BARD1: variants seen among roughly 807,000 people sequenced by gnomAD.
BARD1 encodes BRCA1-associated RING domain protein 1.
In BARD1, 73 loss-of-function variants were observed where a neutral mutation model predicts 77.0. That is an observed-to-expected ratio of 0.95 (90% CI 0.79 to 1.15). The LOEUF is 1.15. Ranked by LOEUF, BARD1 falls within the 50% of genes most tolerant of loss-of-function variation. BARD1 has a pLI of 0.00. For missense variants in BARD1, 993 were observed against 938.8 expected, an observed-to-expected ratio of 1.06 and a Z score of -0.75; for synonymous variants, 384 against 338.0, an observed-to-expected ratio of 1.14 and a Z score of -1.49.
intron 6 of BARD1, among the ~76,000 whole-genome samples, chr2:214,754,499 A>C (rs1398762335): frequency 6.6e-6 from 1 of 152,166 alleles, no homozygotes; most frequent in Admixed American, 6.5e-5. Context: ...GTTATTTTAC[A>C]CATATTTGAA....
At chr2:214,775,856 T>C (rs1694716481) in intron 4 of BARD1, among the ~76,000 whole-genome samples, 1 of 152,144 alleles carries the variant, frequency 6.6e-6, no homozygotes, top group Non-Finnish European at 1.5e-5. Context: ...CTCTTGAAAA[T>C]ATCACATATG....
At chr2:214,783,862 A>G (rs1386772310) in intron 3 of BARD1, among the ~76,000 whole-genome samples, 1 of 152,186 alleles carries the variant, frequency 6.6e-6, no homozygotes, top group African/African-American at 2.4e-5. Flanking sequence ...TTATATAAAA[A>G]TTAACTCAAC....
At chr2:214,763,475 C>T (rs1425041785) in intron 6 of BARD1, among the ~76,000 whole-genome samples, 1 of 152,198 alleles carries the variant, frequency 6.6e-6, no homozygotes, top group East Asian at 1.9e-4. Flanking sequence ...TAAGAGAAAA[C>T]TTCAACCTTG....
intron 7 of BARD1, among the ~76,000 whole-genome samples, chr2:214,749,976 T>C (rs751229926): frequency 1.3e-5 from 2 of 152,104 alleles, no homozygotes; most frequent in Non-Finnish European, 2.9e-5. Context: ...TTTCAAGATA[T>C]GAAAGCAACT....
At chr2:214,802,542 C>G (rs1696072774) in intron 1 of BARD1, among the ~76,000 whole-genome samples, 1 of 152,124 alleles carries the variant, frequency 6.6e-6, no homozygotes, top group Non-Finnish European at 1.5e-5. Context: ...AAATTAGACT[C>G]CAGCCCTAAG....
rs10180486 is a variant in BARD1 at position 214,731,148 on chromosome 2, G to C, written c.1904-640C>G. On this transcript the variant is annotated intron_variant, in intron 9 of 10. Coordinates refer to ENST00000260947, the MANE Select transcript of BARD1 (RefSeq NM_000465.4). Reference sequence around the variant, plus strand: ...ATTGGGCTTTGCAGGAAAAAAAAAAGCATTCTTTTGATGGCTTGAGTAAGT... The same window carrying C: ...ATTGGGCTTTGCAGGAAAAAAAAAACCATTCTTTTGATGGCTTGAGTAAGT... 25 of 213,206 alleles carry C rather than the reference G, an allele frequency of 1.2e-4. No homozygotes were observed. In the East Asian group the frequency reaches 2.1e-3, roughly 18 times the overall value. 13.2% of individuals were successfully genotyped at this position (213,206 alleles called of 1,614,324 possible). A position where few individuals can be genotyped will look rare whatever the true frequency, so the allele number is the denominator to read the frequency against.
intron 9 of BARD1, chr2:214,730,853 C>T: frequency 2.2e-6 from 1 of 460,358 alleles, no homozygotes; most frequent in South Asian, 1.6e-5. Flanking sequence ...AGCAATTACC[C>T]AAAATTAAGG....
intron 1 of BARD1, among the ~76,000 whole-genome samples, chr2:214,803,498 C>T (rs1696125249): frequency 6.6e-6 from 1 of 152,204 alleles, no homozygotes; most frequent in Admixed American, 6.5e-5. Context: ...GGCAGCAATA[C>T]TGCTTTGTAA....
intron 1 of BARD1, among the ~76,000 whole-genome samples, chr2:214,798,841 G>C (rs1417000412): frequency 6.6e-6 from 1 of 151,728 alleles, no homozygotes; most frequent in Non-Finnish European, 1.5e-5. Context: ...GGTAGCAACC[G>C]GGTACTGAGG....
In BARD1 at chr2:214,752,339, G is replaced by A. The variant is rs1693492466; in HGVS notation, c.1677+108C>T. ...AATACTCAGGAAGTGCTCAATAATT[G>A]TTTGGTGAATGTAAGCAATTGGTCA... On this transcript the variant is annotated intron_variant, in intron 7 of 10. Transcript: ENST00000260947. 3 of 869,600 alleles carry A rather than the reference G, an allele frequency of 3.4e-6. No individual in the cohort carries two copies. In the East Asian group the frequency reaches 7.8e-5, roughly 23 times the overall value. 53.9% of individuals were successfully genotyped at this position (869,600 alleles called of 1,614,324 possible).
chr2:214,809,015 T>G (rs17489231), intron 1 of BARD1, among the ~76,000 whole-genome samples: 112,095 of 152,136 alleles, frequency 0.74, 41,371 homozygotes, highest in East Asian at 0.8. Context: ...CCAGCCCAAT[T>G]CGCCACAGCT....
chr2:214,745,024 C>T, intron 9 of BARD1, 43 bp downstream of exon 9: 1 of 1,531,852 alleles, frequency 6.5e-7, no homozygotes, highest in Non-Finnish European at 9.0e-7. Context: ...AAAAACAAAA[C>T]TAGTCTAATT....
At chr2:214,743,926 C>T (rs534021997) in intron 9 of BARD1, among the ~76,000 whole-genome samples, 14 of 152,214 alleles carry the variant, frequency 9.2e-5, no homozygotes, top group Admixed American at 5.2e-4. Context: ...TGTTACATGG[C>T]CACCACTAAC....
intron 1 of BARD1, among the ~76,000 whole-genome samples, chr2:214,807,681 T>A (rs929877708): frequency 2.0e-5 from 3 of 152,182 alleles, no homozygotes; most frequent in African/African-American, 7.2e-5. Context: ...TTATGATTAT[T>A]AATGAATCCT....
At position 214,809,485 on chromosome 2, in the gene BARD1, C is replaced by A; in HGVS notation, c.85G>T (p.Asp29Tyr). 1.2e-6 allele frequency: 2 copies of A among 1,609,254 alleles called. No homozygotes were observed. Among genetic ancestry groups the A allele is most frequent in the South Asian group, 2.2e-5 (2 of 90,606 alleles). Residue 29 changes from aspartate (D) to tyrosine (Y), a missense_variant, in exon 1 of 11, where the codon GAT (aspartate) becomes TAT (tyrosine). Transcript: ENST00000260947. ...EPRSAPAMEP[D>Y]GRGAWAHSRA... ...CTGTGGGCCCAGGCACCGCGACCAT[C>A]CGGTTCCATGGCGGGCGCGGAACGA...
intron 4 of BARD1, among the ~76,000 whole-genome samples, chr2:214,773,782 A>G (rs1207518346): frequency 9.3e-5 from 14 of 151,262 alleles, no homozygotes; most frequent in Non-Finnish European, 1.9e-4. Flanking sequence ...TGGTTGTGAC[A>G]GTTTCTTAAA....
At chr2:214,780,138 C>A (rs1338758426) in intron 4 of BARD1, among the ~76,000 whole-genome samples, 3 of 152,182 alleles carry the variant, frequency 2.0e-5, no homozygotes, top group Non-Finnish European at 4.4e-5. Flanking sequence ...CAGACCACAT[C>A]TTTCAACCTT....
At chr2:214,745,197 C>A (rs771335417) in intron 8 of BARD1, 38 bp from the exon 9 acceptor site, 3 of 1,553,192 alleles carry the variant, frequency 1.9e-6, no homozygotes, top group Non-Finnish European at 2.7e-6. Context: ...AAGAAAGATA[C>A]AAGCCAAAGT....
intron 1 of BARD1, among the ~76,000 whole-genome samples, chr2:214,807,073 A>G (rs1370606591): frequency 6.6e-6 from 1 of 152,194 alleles, no homozygotes; most frequent in Non-Finnish European, 1.5e-5. Flanking sequence ...AGATGTAAAA[A>G]TAAATAAGAA....
Sources: allele counts gnomAD v4.1 joint callset (sites outside exome capture counted in the v4.1 genomes callset), GRCh38; gene constraint gnomAD v4.1.1; transcripts MANE v1.5; gene names NCBI Gene and HGNC (gene_info 2026-07-23, HGNC 2026-07-21).